The following DSC2 variants were observed in gnomAD, a reference collection of about 807,000 sequenced individuals.
DSC2 encodes desmocollin-2.
In DSC2, 51 loss-of-function variants were observed where a neutral mutation model predicts 87.6. The ratio of observed to expected loss-of-function variants is 0.58; its 90% CI spans 0.46 to 0.74. DSC2 has a LOEUF of 0.74. Among genes scored for constraint, DSC2 ranks in the 30% least tolerant of loss-of-function variants. The probability of loss-of-function intolerance (pLI) is 0.00; values close to 1 mark genes in which losing one functional copy is unlikely to be tolerated. For synonymous variants in DSC2, 383 were observed against 393.2 expected (o/e 0.97, Z 0.31); for missense variants, 1,066 against 1,089.5 (o/e 0.98, Z 0.30).
Position 31,088,398 on chromosome 18 carries a change from T to C in DSC2, c.631-585A>G, listed in dbSNP as rs550236574. On this transcript the variant is annotated intron_variant, in intron 5 of 15. Coordinates refer to ENST00000280904, the MANE Select transcript of DSC2 (RefSeq NM_024422.6). ...GAATACAGTTTAATTTTTTTGTTTT[T>C]ATAATATGAATTTCAATACCAATTT... Among the ~76,000 whole-genome samples, 93 of 152,314 alleles carry C rather than the reference T, an allele frequency of 6.1e-4. 1 individual carries two copies. Among genetic ancestry groups the C allele is most frequent in the Middle Eastern group, 3.4e-3 (1 of 294 alleles).
intron 4 of DSC2, among the ~76,000 whole-genome samples, chr18:31,090,562 AAAAAAGAAAC>A (rs1307205413): frequency 2.0e-5 from 3 of 152,286 alleles, no homozygotes; most frequent in African/African-American, 7.2e-5. Context: ...TCGCTACAAA[AAAAAAGAAAC>A]AAAAAGAGAC....
intron 14 of DSC2, among the ~76,000 whole-genome samples, chr18:31,069,983 C>T (rs1229173829): frequency 6.6e-6 from 1 of 152,110 alleles, no homozygotes; most frequent in African/African-American, 2.4e-5. Flanking sequence ...AAACCCTTGC[C>T]ATCTAAATAT....
rs1256444177 is a variant in DSC2, at chr18:31,092,244, A to C, written c.211T>G (p.Phe71Val). ...ACTGAACCATCCTCCAAAATTTGGA[A>C]GTCAGGATCACTTGAATGAATTAGA... is the stretch of plus-strand genomic sequence containing the variant. Reference protein sequence around the residue: ...ANLIHSSDPDFQILEDGSVYT... With the variant: ...ANLIHSSDPDVQILEDGSVYT... The change falls in exon 3 of 16, where the codon TTC becomes GTC. Residue 71 changes from phenylalanine to valine, a missense_variant. Coordinates refer to ENST00000280904, the MANE Select transcript of DSC2 (RefSeq NM_024422.6). 3.1e-6 allele frequency: 5 copies of C among 1,613,842 alleles called. No individual in the cohort carries two copies. The highest frequency in any genetic ancestry group is 4.2e-6 in the Non-Finnish European group (5 of 1,179,826).
chr18:31,089,744 G>T (rs1417413731), intron 4 of DSC2, 150 bp from the exon 5 acceptor site: 1 of 791,748 alleles, frequency 1.3e-6, no homozygotes, highest in Non-Finnish European at 1.9e-6. Flanking sequence ...AATAGAATAA[G>T]AAAGTCCAAT....
At chr18:31,079,787 A>C in intron 11 of DSC2, 60 bp downstream of exon 11, 1 of 1,598,938 alleles carries the variant, frequency 6.3e-7, no homozygotes, top group South Asian at 1.1e-5. Context: ...CTGTTGGCTT[A>C]AACACTGAAG....
intron 1 of DSC2, among the ~76,000 whole-genome samples, chr18:31,097,850 T>G (rs989789052): frequency 6.6e-6 from 1 of 151,724 alleles, no homozygotes; most frequent in Admixed American, 6.6e-5. Flanking sequence ...TTGTTGAACT[T>G]TTGGGTGTCT....
intron 1 of DSC2, among the ~76,000 whole-genome samples, chr18:31,095,271 C>G (rs1987727497): frequency 6.6e-6 from 1 of 152,108 alleles, no homozygotes. Flanking sequence ...GTCATAGCAG[C>G]AGAGCACAGC....
rs1267065182 is a variant in DSC2, at chr18:31,092,210, G to T, written c.245C>A (p.Thr82Lys). Residue 82 changes from threonine to lysine, a missense_variant, in exon 3 of 16, where the codon ACA (threonine) becomes AAA (lysine). Thr to Lys is a moderately conservative substitution (Grantham distance 78). Coordinates refer to ENST00000280904, the MANE Select transcript of DSC2 (RefSeq NM_024422.6). ...QILEDGSVYTTNTILLSSEKR... is the reference protein window; with the variant it reads ...QILEDGSVYTKNTILLSSEKR... ...CTCCGAGGACAATAGAATAGTATTT[G>T]TTGTATAGACTGAACCATCCTCCAA... 1 of 1,613,714 alleles carries T rather than the reference G, an allele frequency of 6.2e-7. No homozygotes were observed. Among genetic ancestry groups the T allele is most frequent in the Admixed American group, 1.7e-5 (1 of 60,014 alleles).
chr18:31,074,959 A>G (rs1986968186), intron 11 of DSC2, 52 bp from the exon 12 acceptor site: 1 of 1,531,852 alleles, frequency 6.5e-7, no homozygotes, highest in Non-Finnish European at 8.9e-7. Flanking sequence ...TTTTCACCAC[A>G]AAAGTATGCA....
intron 1 of DSC2, 38 bp downstream of exon 1, chr18:31,101,865 G>A: frequency 4.0e-6 from 6 of 1,517,030 alleles, no homozygotes; most frequent in Non-Finnish European, 3.5e-6. Flanking sequence ...CTAGGCGATC[G>A]CCCCCTTCCC....
In DSC2 at chr18:31,079,894, G is replaced by GCATATTA; in HGVS notation, c.1615_1616insTAATATG (p.Thr539IlefsTer10). On this transcript the variant is annotated frameshift_variant, in exon 11 of 16. Transcript: ENST00000280904. LOFTEE classifies it high-confidence loss of function. Reference sequence around the variant, plus strand: ...AATATTATATATGCCATTTTTGATGGTCTCTGCCTCTCTATCCAGGCTTCT... The same window carrying GCATATTA: ...AATATTATATATGCCATTTTTGATGGCATATTATCTCTGCCTCTCTATCCAGGCTTCT... The GCATATTA allele has an allele frequency of 6.2e-7, 1 of 1,613,894 alleles. No individual in the cohort carries two copies.
intron 1 of DSC2, among the ~76,000 whole-genome samples, chr18:31,097,839 G>A (rs1007204404): frequency 2.6e-5 from 4 of 151,674 alleles, no homozygotes; most frequent in East Asian, 3.8e-4. Context: ...TACATCGCAC[G>A]TTGTTGAACT....
At position 31,074,420 on chromosome 18, in the gene DSC2, AATGTGTG is replaced by A. The variant is rs1567974260; in HGVS notation, c.1888+256_1888+262del. On this transcript the variant is annotated intron_variant, in intron 12 of 15. Transcript: ENST00000280904. Reference sequence around the variant, plus strand: ...GAGAGAGAAAGAGAGAAAGAGAAAAAATGTGTGTGTGTGTGTGTGTGTGTGTGTGTGT... The same window carrying A: ...GAGAGAGAAAGAGAGAAAGAGAAAAATGTGTGTGTGTGTGTGTGTGTGTGT... 6.2e-3 allele frequency among the ~76,000 whole-genome samples: 672 copies of A among 108,550 alleles called. 7 individuals carry two copies. The highest frequency in any genetic ancestry group is 0.023 in the African/African-American group (628 of 27,202). 71.2% of individuals were successfully genotyped at this position (108,550 alleles called of 152,430 possible).
At chr18:31,080,558 G>A (rs1197899316) in intron 9 of DSC2, among the ~76,000 whole-genome samples, 2 of 152,170 alleles carry the variant, frequency 1.3e-5, no homozygotes, top group Non-Finnish European at 2.9e-5. Context: ...AATGTTGGGG[G>A]AGGGACCTGA....
At position 31,074,912 on chromosome 18, in the gene DSC2, A is replaced by G; in HGVS notation, c.1664-5T>C. On this transcript the variant is annotated splice_region_variant and splice_polypyrimidine_tract_variant and intron_variant, in intron 11 of 15. Transcript: ENST00000280904. Reference sequence around the variant, plus strand: ...TCCCCGTACATGTTCTCCCTCCTAGAAAAATGAAAATAAAAATAGTTTTTC... The same window carrying G: ...TCCCCGTACATGTTCTCCCTCCTAGGAAAATGAAAATAAAAATAGTTTTTC... 1 of 1,609,906 alleles carries G rather than the reference A, an allele frequency of 6.2e-7. No individual in the cohort carries two copies. Among genetic ancestry groups the G allele is most frequent in the Non-Finnish European group, 8.5e-7 (1 of 1,177,698 alleles).
At chr18:31,068,324 A>G (rs1986700448) in intron 15 of DSC2, 112 bp from the exon 16 acceptor site, 1 of 1,613,326 alleles carries the variant, frequency 6.2e-7, no homozygotes, top group Admixed American at 1.7e-5. Flanking sequence ...TTTTAATCAG[A>G]GTGTGTCCTC....
chr18:31,070,984 GT>G, intron 13 of DSC2, 134 bp from the exon 14 acceptor site: 1 of 1,114,470 alleles, frequency 9.0e-7, no homozygotes, highest in Non-Finnish European at 1.3e-6. Flanking sequence ...TGGATTGCTT[GT>G]GTCAAAGCAG....
intron 5 of DSC2, 58 bp downstream of exon 5, chr18:31,089,381 G>A: frequency 6.2e-7 from 1 of 1,601,128 alleles, no homozygotes; most frequent in East Asian, 2.2e-5. Flanking sequence ...TTGCAAATGA[G>A]AGACAAAATG....
At position 31,068,932 on chromosome 18, in the gene DSC2, A is replaced by C. The variant is rs200197897; in HGVS notation, c.2470T>G (p.Ser824Ala). The change falls in exon 15 of 16, where the codon TCG becomes GCG. Residue 824 changes from serine to alanine, a missense_variant. Ser to Ala is a moderately conservative substitution (Grantham distance 99). Transcript: ENST00000280904. The part of the protein sequence containing the change: ...TEVDNCRYTY[S>A]EWHSFTQPRL... Reference sequence around the variant, plus strand: ...GGCTGAGTAAAACTGTGCCACTCCGAGTAAGTGTATCTGCAGTTGTCCACC... The same window carrying C: ...GGCTGAGTAAAACTGTGCCACTCCGCGTAAGTGTATCTGCAGTTGTCCACC... 5.6e-6 allele frequency: 9 copies of C among 1,613,932 alleles called. No individual in the cohort carries two copies. In the East Asian group the frequency reaches 2.0e-4, roughly 36 times the overall value.
Sources: allele counts gnomAD v4.1 joint callset (sites outside exome capture counted in the v4.1 genomes callset), GRCh38; gene constraint gnomAD v4.1.1; transcripts MANE v1.5; gene names NCBI Gene and HGNC (gene_info 2026-07-23, HGNC 2026-07-21).